The following CSNK2A2IP variants were observed in gnomAD, a reference collection of about 807,000 sequenced individuals.
CSNK2A2IP encodes the protein casein kinase II subunit alpha'-interacting protein.
At chr3:88,447,171 A>G in the CSNK2A2IP span, among the ~76,000 whole-genome samples, 1 of 152,178 alleles carries the variant, frequency 6.6e-6, no homozygotes, top group African/African-American at 2.4e-5. Context: ...CATCTATTGA[A>G]ACATAGGTAA....
the CSNK2A2IP span, chr3:88,467,419 T>G: frequency 5.0e-6 from 2 of 398,586 alleles, no homozygotes; most frequent in East Asian, 3.6e-5. Flanking sequence ...TGAGTTTATA[T>G]ATAGCAAAGA....
chr3:88,394,629 C>T, the CSNK2A2IP span, among the ~76,000 whole-genome samples: 2 of 152,224 alleles, frequency 1.3e-5, no homozygotes, highest in African/African-American at 4.8e-5. Flanking sequence ...CCACCTTGGC[C>T]TCCCAAAGCA....
the CSNK2A2IP span, among the ~76,000 whole-genome samples, chr3:88,418,492 G>A: frequency 1.3e-5 from 2 of 151,562 alleles, no homozygotes; most frequent in East Asian, 1.9e-4. Context: ...TCTCTTGTGG[G>A]TGTGACTTTC....
At chr3:88,400,797 T>C in the CSNK2A2IP span, among the ~76,000 whole-genome samples, 1 of 152,182 alleles carries the variant, frequency 6.6e-6, no homozygotes, top group Non-Finnish European at 1.5e-5. Context: ...ATAATAAATT[T>C]GTGTTATCCT....
chr3:88,433,572 T>G, the CSNK2A2IP span, among the ~76,000 whole-genome samples: 3 of 152,200 alleles, frequency 2.0e-5, no homozygotes, highest in African/African-American at 7.2e-5. Context: ...TAGGGTCTTA[T>G]TCTTGGTTGC....
At chr3:88,347,979 A>C in the CSNK2A2IP span, among the ~76,000 whole-genome samples, 1 of 151,976 alleles carries the variant, frequency 6.6e-6, no homozygotes, top group Admixed American at 6.6e-5. Context: ...ATAAAGAAAT[A>C]GTACCTCTCC....
chr3:88,453,893 C>T, the CSNK2A2IP span, among the ~76,000 whole-genome samples: 440 of 152,032 alleles, frequency 2.9e-3, 2 homozygotes, highest in African/African-American at 9.9e-3. Context: ...AAAAAAGCTG[C>T]GATGAACATA....
chr3:88,375,069 C>T, the CSNK2A2IP span, among the ~76,000 whole-genome samples: 3 of 151,758 alleles, frequency 2.0e-5, no homozygotes, highest in African/African-American at 7.2e-5. Flanking sequence ...TAAGTCACCT[C>T]ACTGTCATAA....
At chr3:88,415,183 T>C in the CSNK2A2IP span, among the ~76,000 whole-genome samples, 1 of 152,084 alleles carries the variant, frequency 6.6e-6, no homozygotes, top group African/African-American at 2.4e-5. Context: ...GTATTTCATT[T>C]ATTGACTTAA....
chr3:88,353,824 T>C, the CSNK2A2IP span, among the ~76,000 whole-genome samples: 1 of 152,134 alleles, frequency 6.6e-6, no homozygotes, highest in Non-Finnish European at 1.5e-5. Flanking sequence ...AATCTTGACT[T>C]TTGTATTTTT....
At chr3:88,360,594 C>T in the CSNK2A2IP span, among the ~76,000 whole-genome samples, 6 of 152,066 alleles carry the variant, frequency 3.9e-5, no homozygotes, top group East Asian at 1.9e-4. Context: ...AGCATGTAGT[C>T]GGATCTTGTT....
At chr3:88,463,223 C>CT in the CSNK2A2IP span, among the ~76,000 whole-genome samples, 1 of 150,382 alleles carries the variant, frequency 6.6e-6, no homozygotes, top group South Asian at 2.1e-4. Flanking sequence ...ACTTAATTGA[C>CT]TGATTTCAGA....
chr3:88,467,207 C>T, the CSNK2A2IP span: 5 of 400,978 alleles, frequency 1.2e-5, no homozygotes, highest in Non-Finnish European at 2.2e-5. Flanking sequence ...TCCTCCTCCA[C>T]TTCCTCCTCC....
the CSNK2A2IP span, among the ~76,000 whole-genome samples, chr3:88,462,910 T>C: frequency 6.6e-6 from 1 of 152,228 alleles, no homozygotes; most frequent in African/African-American, 2.4e-5. Context: ...AAGTTAATGA[T>C]ATGTAACTAA....
At chr3:88,443,112 G>A in the CSNK2A2IP span, among the ~76,000 whole-genome samples, 1 of 152,096 alleles carries the variant, frequency 6.6e-6, no homozygotes, top group Non-Finnish European at 1.5e-5. Context: ...AGATGTATGA[G>A]CTTTCAAATT....
At chr3:88,377,903 T>C in the CSNK2A2IP span, among the ~76,000 whole-genome samples, 4 of 151,924 alleles carry the variant, frequency 2.6e-5, no homozygotes, top group African/African-American at 7.2e-5. Context: ...TCTTTTGTAA[T>C]TGAAAAAAAT....
At chr3:88,432,417 T>A in the CSNK2A2IP span, among the ~76,000 whole-genome samples, 1 of 151,824 alleles carries the variant, frequency 6.6e-6, no homozygotes, top group African/African-American at 2.4e-5. Context: ...ATAAAGTATC[T>A]AATGTACAAC....
chr3:88,461,626 A>C, the CSNK2A2IP span, among the ~76,000 whole-genome samples: 1 of 152,220 alleles, frequency 6.6e-6, no homozygotes, highest in South Asian at 2.1e-4. Flanking sequence ...GTATCAACTT[A>C]ACATTTTCAC....
chr3:88,461,426 G>A, the CSNK2A2IP span, among the ~76,000 whole-genome samples: 2 of 152,098 alleles, frequency 1.3e-5, no homozygotes, highest in African/African-American at 2.4e-5. Context: ...GGTGGTGGGC[G>A]CCTGTAGTCC....
Sources: allele counts gnomAD v4.1 joint callset (sites outside exome capture counted in the v4.1 genomes callset), GRCh38; gene constraint gnomAD v4.1.1; transcripts MANE v1.5; gene names NCBI Gene and HGNC (gene_info 2026-07-23, HGNC 2026-07-21).